TAOK3: variants seen among roughly 807,000 people sequenced by gnomAD.
The protein encoded by TAOK3 is serine/threonine-protein kinase TAO3.
Under a neutral mutation model 120.4 loss-of-function variants are expected in TAOK3, and 40 were observed. That is an observed-to-expected ratio of 0.33 (90% CI 0.26 to 0.43). The LOEUF is 0.43. Ranked by LOEUF, TAOK3 falls within the 20% of genes least tolerant of loss-of-function variation. The pLI, the probability that TAOK3 is intolerant of heterozygous loss-of-function variation, is 1.00. For synonymous variants in TAOK3, 355 were observed against 387.5 expected (o/e 0.92, Z 0.99); for missense variants, 821 against 1,112.1 (o/e 0.74, Z 3.72).
intron 15 of TAOK3, among the ~76,000 whole-genome samples, chr12:118,179,983 T>C (rs1400952908): frequency 1.4e-5 from 2 of 145,420 alleles, no homozygotes; most frequent in African/African-American, 2.6e-5. Flanking sequence ...GTCTCGCTCT[T>C]GTCACCCAGG....
At chr12:118,337,696 C>G (rs2044423814) in intron 1 of TAOK3, among the ~76,000 whole-genome samples, 1 of 152,114 alleles carries the variant, frequency 6.6e-6, no homozygotes, top group Admixed American at 6.5e-5. Flanking sequence ...GTATAACATT[C>G]TTGAAATGAC....
chr12:118,246,471 A>G (rs551637684), intron 3 of TAOK3: 55 of 1,537,268 alleles, frequency 3.6e-5, no homozygotes, highest in East Asian at 2.7e-4. Flanking sequence ...GTTTGTTGCT[A>G]TCGGGGACTA....
At chr12:118,280,046 T>A (rs1477694848) in intron 1 of TAOK3, among the ~76,000 whole-genome samples, 1 of 149,870 alleles carries the variant, frequency 6.7e-6, no homozygotes, top group East Asian at 2.0e-4. Flanking sequence ...ATTACAGGCG[T>A]GAGCCACCGC....
intron 17 of TAOK3, among the ~76,000 whole-genome samples, chr12:118,170,819 G>A (rs1045652410): frequency 1.5e-4 from 23 of 152,304 alleles, no homozygotes; most frequent in African/African-American, 5.3e-4. Flanking sequence ...ACAGCATGCA[G>A]AAAGAGCCTG....
At chr12:118,337,196 A>G (rs1476646176) in intron 1 of TAOK3, among the ~76,000 whole-genome samples, 4 of 152,246 alleles carry the variant, frequency 2.6e-5, no homozygotes, top group African/African-American at 4.8e-5. Flanking sequence ...TGTAAATTAA[A>G]GCCACGAGAA....
intron 15 of TAOK3, 56 bp downstream of exon 15, chr12:118,181,315 T>C (rs1033709569): frequency 2.1e-6 from 3 of 1,448,916 alleles, no homozygotes; most frequent in Non-Finnish European, 2.9e-6. Context: ...ATCCTGCCAC[T>C]GACCCCAACA....
At chr12:118,246,228 G>C (rs2040493870) in intron 3 of TAOK3, 4 of 1,458,842 alleles carry the variant, frequency 2.7e-6, no homozygotes, top group Non-Finnish European at 1.9e-6. Flanking sequence ...CCGAGGCCGC[G>C]GAGCTCGCGG....
chr12:118,317,242 G>A (rs1566108328), intron 1 of TAOK3, among the ~76,000 whole-genome samples: 1 of 144,510 alleles, frequency 6.9e-6, no homozygotes, highest in South Asian at 2.2e-4. Context: ...CTCTGGCCTG[G>A]GCAACGAAGT....
At chr12:118,201,137 G>A (rs2139275664) in intron 12 of TAOK3, 159 bp downstream of exon 12, 1 of 668,790 alleles carries the variant, frequency 1.5e-6, no homozygotes, top group Non-Finnish European at 2.4e-6. Context: ...CCTTATATAA[G>A]TGTTATTTTA....
In TAOK3 at chr12:118,300,948, G is replaced by T. The variant is rs183833218; in HGVS notation, c.-193-34189C>A. Among the ~76,000 whole-genome samples, 242 of 152,060 alleles carry T rather than the reference G, an allele frequency of 1.6e-3. 2 individuals carry two copies. The highest frequency in any genetic ancestry group is 5.4e-3 in the South Asian group (26 of 4,808). ...GTGCCACCACGCCCGGCTAATTTTT[G>T]TATTTTTAGTAGAGACGGGGTTTCA... On this transcript the variant is annotated intron_variant, in intron 1 of 20. Transcript: ENST00000392533.
chr12:118,331,645 C>CAAAAA (rs57291591), intron 1 of TAOK3, among the ~76,000 whole-genome samples: 8 of 48,006 alleles, frequency 1.7e-4, no homozygotes, highest in African/African-American at 2.4e-4. Context: ...ACTCTTATCT[C>CAAAAA]AAAAAAAAAA....
intron 14 of TAOK3, among the ~76,000 whole-genome samples, chr12:118,186,402 G>A (rs1057147245): frequency 1.3e-5 from 2 of 151,984 alleles, no homozygotes; most frequent in African/African-American, 2.4e-5. Flanking sequence ...TCACAGAAAC[G>A]GCCAAGAGCC....
intron 19 of TAOK3, among the ~76,000 whole-genome samples, chr12:118,154,773 T>C (rs966062889): frequency 6.6e-6 from 1 of 151,942 alleles, no homozygotes; most frequent in Non-Finnish European, 1.5e-5. Context: ...TATAGGTAAA[T>C]ATGTCTGATC....
intron 1 of TAOK3, among the ~76,000 whole-genome samples, chr12:118,349,968 G>A (rs768722586): frequency 6.6e-6 from 1 of 152,168 alleles, no homozygotes. Flanking sequence ...TCTACAAAGT[G>A]AGGATATAAT....
At chr12:118,292,658 T>C (rs1307324811) in intron 1 of TAOK3, among the ~76,000 whole-genome samples, 1 of 152,222 alleles carries the variant, frequency 6.6e-6, no homozygotes, top group Non-Finnish European at 1.5e-5. Context: ...TTAACAACTA[T>C]GGTATAGCTT....
At chr12:118,255,236 G>A (rs2040929661) in intron 3 of TAOK3, among the ~76,000 whole-genome samples, 1 of 152,132 alleles carries the variant, frequency 6.6e-6, no homozygotes, top group Admixed American at 6.5e-5. Flanking sequence ...TATTTTACGA[G>A]CAACAGCTAT....
intron 11 of TAOK3, among the ~76,000 whole-genome samples, chr12:118,212,377 A>G (rs1407939082): frequency 6.6e-6 from 1 of 152,256 alleles, no homozygotes; most frequent in South Asian, 2.1e-4. Flanking sequence ...AAAATATTAC[A>G]TGAAAAGAGA....
intron 15 of TAOK3, among the ~76,000 whole-genome samples, chr12:118,179,073 C>A (rs2036530360): frequency 6.6e-6 from 1 of 152,210 alleles, no homozygotes; most frequent in Admixed American, 6.5e-5. Flanking sequence ...AAGAATCTGA[C>A]TGATTTATTT....
chr12:118,162,560 A>G (rs917363533), intron 17 of TAOK3, among the ~76,000 whole-genome samples: 6 of 152,136 alleles, frequency 3.9e-5, no homozygotes, highest in Admixed American at 2.0e-4. Flanking sequence ...TAAACTGATA[A>G]TATCTGCAAT....
Sources: allele counts gnomAD v4.1 joint callset (sites outside exome capture counted in the v4.1 genomes callset), GRCh38; gene constraint gnomAD v4.1.1; transcripts MANE v1.5; gene names NCBI Gene and HGNC (gene_info 2026-07-23, HGNC 2026-07-21).